Variants in ACACA observed in about 807,000 individuals in gnomAD.
ACACA encodes the protein acetyl-CoA carboxylase alpha.
A neutral mutation model predicts 296.1 loss-of-function variants in ACACA; 103 were observed. The ratio of observed to expected loss-of-function variants is 0.35; its 90% confidence interval spans 0.30 to 0.41. ACACA has a LOEUF of 0.41. Among genes scored for constraint, ACACA ranks in the 10% least tolerant of loss-of-function variants. The pLI, the probability that ACACA is intolerant of heterozygous loss-of-function variation, is 1.00. For missense variants in ACACA, 1,554 were observed against 2,989.7 expected, an observed-to-expected ratio of 0.52 and a Z score of 11.20; for synonymous variants, 953 against 1,038.6, an observed-to-expected ratio of 0.92 and a Z score of 1.58.
chr17:37,199,927 G>T (rs1224201200), intron 35 of ACACA, among the ~76,000 whole-genome samples: 1 of 151,840 alleles, frequency 6.6e-6, no homozygotes, highest in African/African-American at 2.4e-5. Context: ...ATGTTGCCCA[G>T]GCTCATCTCA....
chr17:37,346,911 G>GA (rs1187843664), intron 1 of ACACA, among the ~76,000 whole-genome samples: 1 of 152,124 alleles, frequency 6.6e-6, no homozygotes, highest in Non-Finnish European at 1.5e-5. Context: ...TCTCAGATGA[G>GA]ACTCTGGACT....
chr17:37,289,247 G>A (rs2082933217), intron 3 of ACACA, among the ~76,000 whole-genome samples: 1 of 151,156 alleles, frequency 6.6e-6, no homozygotes. Flanking sequence ...GGGTGACAGA[G>A]TTAGACTCCA....
At chr17:37,334,613 C>A (rs987926988) in intron 2 of ACACA, among the ~76,000 whole-genome samples, 5 of 128,468 alleles carry the variant, frequency 3.9e-5, no homozygotes, top group Non-Finnish European at 8.4e-5. Context: ...AGAGGATCTG[C>A]GCCTGCTCTT....
Position 37,119,191 on chromosome 17 carries a change from C to T in ACACA, c.6274+2164G>A, listed in dbSNP as rs144348867. Reference sequence around the variant, plus strand: ...ATGAATGAGGGGTTTTCAGGCCCCCCTTCCCTTTGATATACTACTACCATC... The same window carrying T: ...ATGAATGAGGGGTTTTCAGGCCCCCTTTCCCTTTGATATACTACTACCATC... On this transcript the variant is annotated intron_variant, in intron 50 of 55. Transcript: ENST00000616317. Among the ~76,000 whole-genome samples the T allele has an allele frequency of 7.3e-3, 1,109 of 152,278 alleles. 9 individuals are homozygous for T. The highest frequency in any genetic ancestry group is 0.02 in the Middle Eastern group (6 of 294).
intron 2 of ACACA, among the ~76,000 whole-genome samples, chr17:37,337,671 T>G (rs2048188377): frequency 6.6e-6 from 1 of 152,040 alleles, no homozygotes; most frequent in South Asian, 2.1e-4. Context: ...CAGCCTAGTC[T>G]CAAACTCCTG....
intron 45 of ACACA, chr17:37,143,530 G>A (rs2075685566): frequency 2.2e-6 from 1 of 445,172 alleles, no homozygotes; most frequent in Admixed American, 3.1e-5. Context: ...ACTTTTGGTA[G>A]TGTGTTAACT....
chr17:37,192,171 G>T lies in ACACA; in HGVS notation c.4335C>A (p.Ala1445=). 2.5e-6 allele frequency: 4 copies of T among 1,613,988 alleles called. No individual in the cohort carries two copies. The highest frequency in any genetic ancestry group is 3.4e-6 in the Non-Finnish European group (4 of 1,180,000). Residue 1445 remains alanine, a synonymous_variant, in exon 37 of 56, where the codon GCC becomes GCA. Coordinates refer to ENST00000616317, the MANE Select transcript of ACACA (RefSeq NM_198834.3). The part of the protein sequence containing the change: ...NHKMHLYLGA[A]KVEVGTEVTD... ...TCACTTCTGTGCCCACTTCCACCTT[G>T]GCTGCCCCGAGATACAGGTGCATCT...
intron 29 of ACACA, among the ~76,000 whole-genome samples, chr17:37,213,105 C>T (rs1419010350): frequency 6.6e-6 from 1 of 151,688 alleles, no homozygotes; most frequent in East Asian, 1.9e-4. Flanking sequence ...ATCACTTGAG[C>T]CCAGGAGTTT....
intron 24 of ACACA, among the ~76,000 whole-genome samples, chr17:37,237,700 C>A (rs2080178420): frequency 6.6e-6 from 1 of 152,104 alleles, no homozygotes; most frequent in Admixed American, 6.5e-5. Flanking sequence ...TCTCTAGATA[C>A]TTCTAATTAT....
intron 3 of ACACA, among the ~76,000 whole-genome samples, chr17:37,296,936 C>T (rs566807313): frequency 3.3e-4 from 49 of 150,524 alleles, no homozygotes; most frequent in Middle Eastern, 3.5e-3. Flanking sequence ...AGGCTGGTCT[C>T]GAACTCCTGG....
intron 45 of ACACA, among the ~76,000 whole-genome samples, chr17:37,143,282 A>AC (rs2075674090): frequency 6.7e-6 from 1 of 149,554 alleles, no homozygotes; most frequent in Non-Finnish European, 1.5e-5. Context: ...AACAGCTGCA[A>AC]CTTTTTTTTT....
At chr17:37,227,484 G>A (rs1006335599) in intron 25 of ACACA, among the ~76,000 whole-genome samples, 1 of 152,128 alleles carries the variant, frequency 6.6e-6, no homozygotes, top group African/African-American at 2.4e-5. Context: ...GGTCAAGACA[G>A]GAGGACTGCT....
At position 37,087,453 on chromosome 17, in the gene ACACA, T is replaced by C. The variant is rs2072282418; in HGVS notation, c.7029-14A>G. ...GCCTGGACCAAGCTGGAAAGGAAGA[T>C]TGAGAATGGTGAAGAAAAGAGAAGC... On this transcript the variant is annotated splice_polypyrimidine_tract_variant and intron_variant, in intron 55 of 55. Transcript: ENST00000616317. The C allele has an allele frequency of 8.7e-6, 14 of 1,613,868 alleles. No individual in the cohort carries two copies. The highest frequency in any genetic ancestry group is 1.2e-5 in the Non-Finnish European group (14 of 1,179,980).
intron 29 of ACACA, among the ~76,000 whole-genome samples, chr17:37,217,180 G>A (rs995868038): frequency 2.1e-5 from 3 of 142,026 alleles, no homozygotes; most frequent in Non-Finnish European, 4.5e-5. Context: ...AGAATCGCTT[G>A]AACCTGGAAG....
At chr17:37,235,746 GC>G (rs2080079976) in intron 24 of ACACA, among the ~76,000 whole-genome samples, 1 of 152,080 alleles carries the variant, frequency 6.6e-6, no homozygotes, top group African/African-American at 2.4e-5. Context: ...GCCTAGGAAC[GC>G]CAAATCCAAC....
intron 2 of ACACA, among the ~76,000 whole-genome samples, chr17:37,337,692 A>G (rs945821135): frequency 1.5e-4 from 22 of 151,676 alleles, no homozygotes; most frequent in African/African-American, 4.6e-4. Context: ...AGCTCAAGTG[A>G]TCCTCCCACC....
intron 1 of ACACA, among the ~76,000 whole-genome samples, chr17:37,369,758 G>A (rs753582410): frequency 2.0e-5 from 3 of 151,834 alleles, no homozygotes; most frequent in Non-Finnish European, 4.4e-5. Flanking sequence ...CAGGCTGGAG[G>A]GCAGTGGTGC....
chr17:37,297,491 A>G (rs1468885240), intron 3 of ACACA, among the ~76,000 whole-genome samples: 1 of 148,170 alleles, frequency 6.7e-6, no homozygotes, highest in African/African-American at 2.5e-5. Context: ...GTACATATAT[A>G]TGTATATATG....
rs183979145 is a variant in ACACA, at chr17:37,388,079, G to A, written c.38+18183C>T. Among the ~76,000 whole-genome samples the A allele has an allele frequency of 5.1e-4, 77 of 152,156 alleles. No homozygotes were observed. In the Middle Eastern group the frequency reaches 0.01, roughly 20 times the overall value. ...ACTCAGGAGGCTAAGGTGGGAGGAT[G>A]GTTTGAGCCTGGGAGATTGAGGCTG... On this transcript the variant is annotated intron_variant, in intron 1 of 55. Coordinates refer to ENST00000616317, the MANE Select transcript of ACACA (RefSeq NM_198834.3).
Sources: allele counts gnomAD v4.1 joint callset (sites outside exome capture counted in the v4.1 genomes callset), GRCh38; gene constraint gnomAD v4.1.1; transcripts MANE v1.5; gene names NCBI Gene and HGNC (gene_info 2026-07-23, HGNC 2026-07-21).